The following CNNM3 variants were observed in gnomAD, a reference collection of about 807,000 sequenced individuals.
CNNM3 encodes the protein cyclin and CBS domain divalent metal cation transport mediator 3.
Under a neutral mutation model 57.1 loss-of-function variants are expected in CNNM3, and 47 were observed. That is an observed-to-expected ratio of 0.82 (90% confidence interval 0.65 to 1.05). CNNM3 has a LOEUF of 1.05. Ranked by LOEUF, CNNM3 falls within the 50% of genes least tolerant of loss-of-function variation. The probability of loss-of-function intolerance (pLI) is 0.00; values close to 1 mark genes in which losing one functional copy is unlikely to be tolerated. For synonymous variants in CNNM3, 507 were observed against 478.2 expected (o/e 1.06, Z -0.79); for missense variants, 957 against 973.7 (o/e 0.98, Z 0.23).
chr2:96,824,442 A>C (rs2079460637), intron 1 of CNNM3: 1 of 154,002 alleles, frequency 6.5e-6, no homozygotes, highest in African/African-American at 2.4e-5. Flanking sequence ...ACACACACAC[A>C]TACACACAGT....
chr2:96,826,918 T>A lies in CNNM3; in HGVS notation c.1455T>A (p.Asp485Glu). Residue 485 changes from aspartate to glutamate, a missense_variant, in exon 3 of 8, where the codon GAT becomes GAA. Physicochemically the swap from Asp to Glu is conservative, Grantham distance 45. This residue lies in a region of CNNM3 where 491 missense variants were observed against 570.6 expected (regional missense o/e 0.86). Transcript: ENST00000305510. ...AGTTCTCCTTGTTCAAGGTGTCTGA[T>A]GATGAATATAAAGTAACAATCTCGC... ...KEEFSLFKVS[D>E]DEYKVTISPQ... 6.2e-7 allele frequency: 1 copy of A among 1,614,242 alleles called. No individual in the cohort carries two copies. The highest frequency in any genetic ancestry group is 1.6e-4 in the Middle Eastern group (1 of 6,062).
At chr2:96,830,539 G>T (rs544560633) in intron 7 of CNNM3, among the ~76,000 whole-genome samples, 1 of 152,336 alleles carries the variant, frequency 6.6e-6, no homozygotes, top group South Asian at 2.1e-4. Flanking sequence ...CAGGTGCAAG[G>T]GACAGAAATC....
At position 96,832,648 on chromosome 2, in the gene CNNM3, CAG is replaced by C; in HGVS notation, c.*34_*35del. 6.2e-7 allele frequency: 1 copy of C among 1,611,180 alleles called. No individual in the cohort carries two copies. Among genetic ancestry groups the C allele is most frequent in the Non-Finnish European group, 8.5e-7 (1 of 1,179,976 alleles). On this transcript the variant is annotated 3_prime_UTR_variant, in exon 8 of 8. Transcript: ENST00000305510. Reference sequence around the variant, plus strand: ...ACTAGGCAGCCCCAGATCTGGGGAACAGATGAGCACGTGGGGAGCTGGAGTGA... The same window carrying C: ...ACTAGGCAGCCCCAGATCTGGGGAACATGAGCACGTGGGGAGCTGGAGTGA...
rs144654105 is a variant in CNNM3 at position 96,829,923 on chromosome 2, G to A, written c.2059+789G>A. On this transcript the variant is annotated intron_variant, in intron 7 of 7. Transcript: ENST00000305510. Reference sequence around the variant, plus strand: ...TAGAAGGGCATTTGTGAAGAGTTTGGTCAGTTCATACTAATATTTAAGCGT... The same window carrying A: ...TAGAAGGGCATTTGTGAAGAGTTTGATCAGTTCATACTAATATTTAAGCGT... Among the ~76,000 whole-genome samples the A allele has an allele frequency of 1.4e-4, 22 of 152,272 alleles. No homozygotes were observed. In the East Asian group the frequency reaches 4.2e-3, roughly 29 times the overall value.
Position 96,833,182 on chromosome 2 carries a change from T to C in CNNM3, c.*566T>C, listed in dbSNP as rs1052061076. ...AGCGCATGCGCCCCAGCCTTTCCCA[T>C]GTGCCAAACCAGAAGCTCCACTGCC... On this transcript the variant is annotated 3_prime_UTR_variant, in exon 8 of 8. Transcript: ENST00000305510. 1 of 426,472 alleles carries C rather than the reference T, an allele frequency of 2.3e-6. No homozygotes were observed. The highest frequency in any genetic ancestry group is 2.1e-5 in the African/African-American group (1 of 48,452). 26.4% of individuals were successfully genotyped at this position (426,472 alleles called of 1,614,324 possible). A position where few individuals can be genotyped will look rare whatever the true frequency, so the allele number is the denominator to read the frequency against.
At chr2:96,819,729 G>T (rs967149242) in intron 1 of CNNM3, among the ~76,000 whole-genome samples, 4 of 152,146 alleles carry the variant, frequency 2.6e-5, no homozygotes, top group Non-Finnish European at 5.9e-5. Context: ...GCTTTCAACA[G>T]TTGAGCAGTC....
At chr2:96,821,098 G>C (rs1161349552) in intron 1 of CNNM3, among the ~76,000 whole-genome samples, 2 of 152,098 alleles carry the variant, frequency 1.3e-5, no homozygotes, top group Non-Finnish European at 2.9e-5. Context: ...AGGTTAAATG[G>C]GGAGCTCTTT....
downstream of CNNM3, among the ~76,000 whole-genome samples, chr2:96,835,628 C>T (rs902398564): frequency 7.2e-5 from 11 of 152,096 alleles, no homozygotes; most frequent in South Asian, 2.1e-4. Flanking sequence ...CCACCACGCC[C>T]GGCTAGTTTT....
intron 7 of CNNM3, among the ~76,000 whole-genome samples, chr2:96,831,476 A>G (rs533651822): frequency 3.3e-5 from 5 of 152,230 alleles, no homozygotes; most frequent in Non-Finnish European, 7.3e-5. Context: ...GGGGTTGGCA[A>G]ATAGTGGTGC....
intron 7 of CNNM3, among the ~76,000 whole-genome samples, chr2:96,829,856 T>C (rs1189579476): frequency 2.0e-5 from 3 of 152,158 alleles, no homozygotes; most frequent in Non-Finnish European, 4.4e-5. Context: ...GCAGTGGCCC[T>C]GGCTTAGAGG....
At chr2:96,825,768 G>A (rs576205759) in intron 2 of CNNM3, among the ~76,000 whole-genome samples, 1 of 152,338 alleles carries the variant, frequency 6.6e-6, no homozygotes, top group African/African-American at 2.4e-5. Context: ...GGGCGTGGTG[G>A]TGCGTGCCTG....
chr2:96,837,189 C>G (rs1337849033), downstream of CNNM3: 4 of 152,246 alleles, frequency 2.6e-5, no homozygotes, highest in East Asian at 7.7e-4. Context: ...AATATTTTTG[C>G]TATAAATTTG....
Position 96,828,171 on chromosome 2 carries a change from T to C in CNNM3, c.1762T>C (p.Ser588Pro), listed in dbSNP as rs1203870682. 1 of 1,614,006 alleles carries C rather than the reference T, an allele frequency of 6.2e-7. No homozygotes were observed. Among genetic ancestry groups the C allele is most frequent in the Admixed American group, 1.7e-5 (1 of 60,010 alleles). The change falls in exon 5 of 8, where the codon TCG becomes CCG. Residue 588 changes from serine to proline, a missense_variant. This residue lies in a region of CNNM3 where 491 missense variants were observed against 570.6 expected (regional missense o/e 0.86). Coordinates refer to ENST00000305510, the MANE Select transcript of CNNM3 (RefSeq NM_017623.5). ...TGGGGCCTTCACGTACTATGGAGTGTCGGCCCTAACTGTGCCATCCTCGGG... is the reference window on the plus strand; with the variant it reads ...TGGGGCCTTCACGTACTATGGAGTGCCGGCCCTAACTGTGCCATCCTCGGG... ...ENGAFTYYGVSALTVPSSVHQ... is the reference protein window; with the variant it reads ...ENGAFTYYGVPALTVPSSVHQ...
chr2:96,818,697 T>C (rs2079362761), intron 1 of CNNM3, among the ~76,000 whole-genome samples: 2 of 152,176 alleles, frequency 1.3e-5, no homozygotes, highest in Non-Finnish European at 2.9e-5. Context: ...TCTTCTGCAG[T>C]CCTCTCCAAC....
chr2:96,822,995 T>C (rs899517386), intron 1 of CNNM3, among the ~76,000 whole-genome samples: 15 of 152,122 alleles, frequency 9.9e-5, no homozygotes, highest in Non-Finnish European at 2.2e-4. Context: ...TCAGTGTGAG[T>C]GGTTCCACTC....
intron 1 of CNNM3, chr2:96,824,534 G>GC (rs1439552425): frequency 6.3e-6 from 1 of 157,764 alleles, no homozygotes; most frequent in African/African-American, 2.4e-5. Flanking sequence ...CATTTATGTA[G>GC]GATGGACAGC....
chr2:96,828,566 G>A lies in CNNM3; in HGVS notation c.1787-1G>A. The A allele has an allele frequency of 6.2e-7, 1 of 1,614,184 alleles. No homozygotes were observed. Among genetic ancestry groups the A allele is most frequent in the Non-Finnish European group, 8.5e-7 (1 of 1,180,040 alleles). On this transcript the variant is annotated splice_acceptor_variant, in intron 5 of 7. Coordinates refer to ENST00000305510, the MANE Select transcript of CNNM3 (RefSeq NM_017623.5). LOFTEE classifies it high-confidence loss of function. ...GCCATCACTGATTGTTCCTTTGATA[G>A]TTCACCAGTCCCCGGTGTCCTCGCT...
Position 96,833,078 on chromosome 2 carries a change from C to T in CNNM3, c.*462C>T. ...CAGCACTTTTTGAGCAAGCCGAGAGCACCCATTTTGGCTGGGGGTTCAGAT... is the reference window on the plus strand; with the variant it reads ...CAGCACTTTTTGAGCAAGCCGAGAGTACCCATTTTGGCTGGGGGTTCAGAT... On this transcript the variant is annotated 3_prime_UTR_variant, in exon 8 of 8. Coordinates refer to ENST00000305510, the MANE Select transcript of CNNM3 (RefSeq NM_017623.5). The T allele has an allele frequency of 1.6e-6, 2 of 1,221,870 alleles. No individual in the cohort carries two copies. The highest frequency in any genetic ancestry group is 2.2e-6 in the Non-Finnish European group (2 of 928,158). The allele number at this position is 1,221,870 out of a possible 1,614,324, so 75.7% of individuals were successfully genotyped here. A position where few individuals can be genotyped will look rare whatever the true frequency, so the allele number is the denominator to read the frequency against.
At position 96,825,078 on chromosome 2, in the gene CNNM3, G is replaced by C. The variant is rs2079477526; in HGVS notation, c.1246G>C (p.Val416Leu). Residue 416 changes from valine (V) to leucine (L), a missense_variant, in exon 2 of 8, where the codon GTG (valine) becomes CTG (leucine). Coordinates refer to ENST00000305510, the MANE Select transcript of CNNM3 (RefSeq NM_017623.5). ...FKRGKSHLAI[V>L]QKVNNEGEGD... ...CACAGGGAAGTCCCACCTGGCCATCGTGCAGAAGGTGAACAACGAGGGTGA... is the reference window on the plus strand; with the variant it reads ...CACAGGGAAGTCCCACCTGGCCATCCTGCAGAAGGTGAACAACGAGGGTGA... 2 of 1,613,002 alleles carry C rather than the reference G, an allele frequency of 1.2e-6. No homozygotes were observed. The highest frequency in any genetic ancestry group is 1.3e-5 in the African/African-American group (1 of 74,896).
Sources: allele counts gnomAD v4.1 joint callset (sites outside exome capture counted in the v4.1 genomes callset), GRCh38; gene constraint gnomAD v4.1.1; regional missense constraint gnomAD v4.1.1; transcripts MANE v1.5; gene names NCBI Gene and HGNC (gene_info 2026-07-23, HGNC 2026-07-21).